PTAR1: variants seen among roughly 807,000 people sequenced by gnomAD.
The protein encoded by PTAR1 is protein prenyltransferase alpha subunit repeat-containing protein 1.
A neutral mutation model predicts 45.5 loss-of-function variants in PTAR1; 17 were observed. That is an observed-to-expected ratio of 0.37 (90% CI 0.26 to 0.56). The LOEUF (loss-of-function observed/expected upper bound fraction) is 0.56, where lower values mean the gene tolerates loss of function less well. Ranked by LOEUF, PTAR1 falls within the 20% of genes least tolerant of loss-of-function variation. PTAR1 has a pLI of 0.77. For missense variants in PTAR1, 391 were observed against 476.3 expected, an observed-to-expected ratio of 0.82 and a Z score of 1.67; for synonymous variants, 169 against 171.3, an observed-to-expected ratio of 0.99 and a Z score of 0.11.
At chr9:69,729,791 C>T (rs1391409942) in intron 5 of PTAR1, among the ~76,000 whole-genome samples, 3 of 152,190 alleles carry the variant, frequency 2.0e-5, no homozygotes, top group Non-Finnish European at 4.4e-5. Context: ...CATACTTCAT[C>T]TTCCATTATT....
intron 3 of PTAR1, among the ~76,000 whole-genome samples, chr9:69,740,377 G>A (rs898438873): frequency 2.0e-5 from 3 of 151,810 alleles, no homozygotes; most frequent in East Asian, 3.9e-4. Flanking sequence ...AATATACAAT[G>A]AATAACACGT....
intron 2 of PTAR1, among the ~76,000 whole-genome samples, chr9:69,743,669 T>C (rs1826136910): frequency 6.6e-6 from 1 of 152,206 alleles, no homozygotes; most frequent in South Asian, 2.1e-4. Flanking sequence ...ACTAACTTAA[T>C]GTTTATCAAG....
rs989051479 is a variant in PTAR1 at position 69,716,723 on chromosome 9, C to A, written c.*1619G>T. 1 of 152,118 alleles carries A rather than the reference C, an allele frequency of 6.6e-6. No individual in the cohort carries two copies. Among genetic ancestry groups the A allele is most frequent in the African/African-American group, 2.4e-5 (1 of 41,426 alleles). 9.4% of individuals were successfully genotyped at this position (152,118 alleles called of 1,614,324 possible). On this transcript the variant is annotated 3_prime_UTR_variant, in exon 8 of 8. Coordinates refer to ENST00000340434, the MANE Select transcript of PTAR1 (RefSeq NM_001099666.2). ...CACTTATTTCTGCCACTATTACTCA[C>A]ATTCTGCACAGATAGGACAACTGAC...
chr9:69,742,528 C>T (rs920300788), intron 2 of PTAR1, among the ~76,000 whole-genome samples: 2 of 151,992 alleles, frequency 1.3e-5, no homozygotes, highest in African/African-American at 4.8e-5. Flanking sequence ...ATAGGTGATA[C>T]TACTATAAAC....
intron 1 of PTAR1, among the ~76,000 whole-genome samples, chr9:69,755,176 G>T (rs1826717293): frequency 1.3e-5 from 2 of 152,148 alleles, no homozygotes. Flanking sequence ...GATTTTTAAA[G>T]ATATGATGGT....
chr9:69,738,918 C>G (rs922310760), intron 3 of PTAR1, among the ~76,000 whole-genome samples: 1 of 151,904 alleles, frequency 6.6e-6, no homozygotes, highest in African/African-American at 2.4e-5. Context: ...AGCGATTCCC[C>G]TTCCTCAGCC....
chr9:69,739,660 T>G (rs929543703), intron 3 of PTAR1, among the ~76,000 whole-genome samples: 16 of 152,202 alleles, frequency 1.1e-4, no homozygotes, highest in African/African-American at 3.9e-4. Context: ...TAAAGTTCTG[T>G]GTATTTGATA....
chr9:69,746,538 T>C (rs1039959646), intron 2 of PTAR1, among the ~76,000 whole-genome samples: 1 of 152,192 alleles, frequency 6.6e-6, no homozygotes, highest in Non-Finnish European at 1.5e-5. Context: ...CAATACGCCA[T>C]TTCCTCTGCA....
chr9:69,747,300 CT>C (rs1243241550), intron 2 of PTAR1, among the ~76,000 whole-genome samples: 1 of 152,168 alleles, frequency 6.6e-6, no homozygotes, highest in African/African-American at 2.4e-5. Context: ...ATAATTATTG[CT>C]TCCTGAAGCA....
At chr9:69,738,998 G>A (rs1825918046) in intron 3 of PTAR1, among the ~76,000 whole-genome samples, 1 of 151,906 alleles carries the variant, frequency 6.6e-6, no homozygotes, top group African/African-American at 2.4e-5. Flanking sequence ...AGTAGAGATG[G>A]GGTTTCACCA....
intron 5 of PTAR1, among the ~76,000 whole-genome samples, chr9:69,731,757 A>T (rs943726643): frequency 7.2e-6 from 1 of 139,824 alleles, no homozygotes; most frequent in Non-Finnish European, 1.6e-5. Flanking sequence ...AGAGGACGAG[A>T]GTGTGAAAAG....
At position 69,711,370 on chromosome 9, in the gene PTAR1, T is replaced by C. The variant is rs1283882575; in HGVS notation, c.*6972A>G. On this transcript the variant is annotated 3_prime_UTR_variant, in exon 8 of 8. Coordinates refer to ENST00000340434, the MANE Select transcript of PTAR1 (RefSeq NM_001099666.2). ...AATGTTTATTTGTGTTTTATAAAAC[T>C]GTTTAATCTTTTTACATTAGGTAAA... 1 of 152,208 alleles carries C rather than the reference T, an allele frequency of 6.6e-6. No homozygotes were observed. The highest frequency in any genetic ancestry group is 2.4e-5 in the African/African-American group (1 of 41,460). The allele number at this position is 152,208 out of a possible 1,614,324, so 9.4% of individuals were successfully genotyped here.
At chr9:69,754,915 T>C (rs966429638) in intron 1 of PTAR1, among the ~76,000 whole-genome samples, 2 of 150,768 alleles carry the variant, frequency 1.3e-5, no homozygotes, top group African/African-American at 5.0e-5. Context: ...ACATATTCTA[T>C]AATCCTTTAT....
rs398010830 is a variant in PTAR1 at position 69,734,258 on chromosome 9, TAAAAAAAAAAAAAAAA to T, written c.324-20_324-5del. ...GCCAGAGAGGATCAGCTCTTTCCTGTAAAAAAAAAAAAAAAAAAAAAAAAAAATTAAACATTACTTT... is the reference window on the plus strand; with the variant it reads ...GCCAGAGAGGATCAGCTCTTTCCTGTAAAAAAAAAAATTAAACATTACTTT... On this transcript the variant is annotated splice_polypyrimidine_tract_variant and splice_region_variant and intron_variant, in intron 3 of 7. Coordinates refer to ENST00000340434, the MANE Select transcript of PTAR1 (RefSeq NM_001099666.2). The T allele has an allele frequency of 2.4e-5, 5 of 206,928 alleles. No individual in the cohort carries two copies. Among genetic ancestry groups the T allele is most frequent in the Non-Finnish European group, 4.0e-5 (5 of 124,730 alleles). The allele number at this position is 206,928 out of a possible 1,614,324, so 12.8% of individuals were successfully genotyped here.
intron 6 of PTAR1, among the ~76,000 whole-genome samples, chr9:69,721,238 A>T (rs554849520): frequency 6.6e-6 from 1 of 152,286 alleles, no homozygotes; most frequent in Admixed American, 6.5e-5. Flanking sequence ...CTCATGGATG[A>T]CTTTGAGGAG....
rs547591711 is a variant in PTAR1 at position 69,711,593 on chromosome 9, C to T, written c.*6749G>A. On this transcript the variant is annotated 3_prime_UTR_variant, in exon 8 of 8. Coordinates refer to ENST00000340434, the MANE Select transcript of PTAR1 (RefSeq NM_001099666.2). Reference sequence around the variant, plus strand: ...AGGAAAAATAAAAAGAACCTAAACCCGATAGTACTGGATATACCAATACAG... The same window carrying T: ...AGGAAAAATAAAAAGAACCTAAACCTGATAGTACTGGATATACCAATACAG... 14 of 152,172 alleles carry T rather than the reference C, an allele frequency of 9.2e-5. No homozygotes were observed. Among genetic ancestry groups the T allele is most frequent in the Admixed American group, 3.3e-4 (5 of 15,278 alleles). The allele number at this position is 152,172 out of a possible 1,614,324, so 9.4% of individuals were successfully genotyped here. A position where few individuals can be genotyped will look rare whatever the true frequency, so the allele number is the denominator to read the frequency against.
At chr9:69,746,149 T>TA (rs2134150887) in intron 2 of PTAR1, among the ~76,000 whole-genome samples, 1 of 152,288 alleles carries the variant, frequency 6.6e-6, no homozygotes, top group African/African-American at 2.4e-5. Context: ...TCCAGTCTGA[T>TA]ATAAGAAGCT....
Position 69,741,818 on chromosome 9 carries a change from T to C in PTAR1, c.297A>G (p.Pro99=). The C allele has an allele frequency of 6.2e-7, 1 of 1,601,998 alleles. No individual in the cohort carries two copies. The highest frequency in any genetic ancestry group is 8.5e-7 in the Non-Finnish European group (1 of 1,173,048). The change falls in exon 3 of 8, where the codon CCA becomes CCG. Residue 99 remains proline, a synonymous_variant. Transcript: ENST00000340434. ...DVTCTLLLLN[P]DFTTAWNVRK... ...TCACGTTCCATGCAGTGGTAAAGTC[T>C]GGGTTTAGAAGCAGCAGGGTACATG...
intron 2 of PTAR1, among the ~76,000 whole-genome samples, chr9:69,747,106 G>A (rs1338781094): frequency 1.3e-5 from 2 of 152,286 alleles, no homozygotes; most frequent in East Asian, 3.9e-4. Flanking sequence ...CTTGTTACTC[G>A]TTTGACAAAT....
Sources: gnomAD v4.1 joint callset for allele counts (sites outside exome capture counted in the v4.1 genomes callset) on GRCh38, gnomAD v4.1.1 for gene constraint, MANE v1.5 for transcripts, NCBI Gene and HGNC (gene_info 2026-07-23, HGNC 2026-07-21) for gene names.